Variants in AP5Z1 observed in about 807,000 individuals in gnomAD.
AP5Z1 encodes AP-5 complex subunit zeta-1.
In AP5Z1, 106 loss-of-function variants were observed where a neutral mutation model predicts 83.0. The observed-to-expected ratio is 1.28, with a 90% CI of 1.09 to 1.50. AP5Z1 has a LOEUF of 1.50. Among genes scored for constraint, AP5Z1 ranks in the 40% most tolerant of loss-of-function variants. AP5Z1 has a pLI of 0.00. For synonymous variants in AP5Z1, 751 were observed against 514.1 expected (o/e 1.46, Z -6.23); for missense variants, 1,565 against 1,094.2 (o/e 1.43, Z -6.07).
chr7:4,787,722 T>C lies in AP5Z1; in HGVS notation c.1400T>C (p.Leu467Pro), dbSNP rs1781595110. The part of the protein sequence containing the change: ...LVDAGTALEM[L>P]HALLDLPCLT... ...GACGCTGGCACAGCCCTGGAGATGC[T>C]GCACGCGCTGCTGGACCTGCCCTGC... is the stretch of plus-strand genomic sequence containing the variant. Residue 467 changes from leucine (L) to proline (P), a missense_variant, in exon 11 of 17, where the codon CTG becomes CCG. Physicochemically the swap from Leu to Pro is moderately conservative, Grantham distance 98. Coordinates refer to ENST00000649063, the MANE Select transcript of AP5Z1 (RefSeq NM_014855.3). The C allele has an allele frequency of 3.9e-6, 6 of 1,548,994 alleles. No homozygotes were observed. The highest frequency in any genetic ancestry group is 2.4e-5 in the East Asian group (1 of 41,176).
chr7:4,784,839 G>A (rs1309537501), intron 6 of AP5Z1, 69 bp from the exon 7 acceptor site: 4 of 1,534,306 alleles, frequency 2.6e-6, no homozygotes, highest in Admixed American at 1.9e-5. Flanking sequence ...GCCCTTCCAA[G>A]CAGGGCAGCA....
chr7:4,786,151 C>T (rs1781536954), intron 9 of AP5Z1, 99 bp from the exon 10 acceptor site: 2 of 1,302,258 alleles, frequency 1.5e-6, no homozygotes, highest in Non-Finnish European at 2.1e-6. Context: ...CCCTTGGTGT[C>T]CTGGAGAGCA....
In AP5Z1 at chr7:4,783,807, G is replaced by A. The variant is rs369252134; in HGVS notation, c.621+9G>A. 9.1e-6 allele frequency: 14 copies of A among 1,545,574 alleles called. No homozygotes were observed. The highest frequency in any genetic ancestry group is 1.1e-5 in the Non-Finnish European group (13 of 1,146,588). ...CGCCCAGGGCCCGGCAGGTGAGGCT[G>A]GGACTGTTCTGGAACCATGGGGAAC... On this transcript the variant is annotated intron_variant, in intron 5 of 16. Transcript: ENST00000649063.
Position 4,785,617 on chromosome 7 carries a change from G to A in AP5Z1, c.1065G>A (p.Gly355=). 1 of 1,579,736 alleles carries A rather than the reference G, an allele frequency of 6.3e-7. No individual in the cohort carries two copies. The highest frequency in any genetic ancestry group is 1.1e-5 in the South Asian group (1 of 87,374). Reference sequence around the variant, plus strand: ...TCTCCTGCCTGAAGGCCCTGCACGGGCGGGTGCGCGGGGACCCGGCCTCTG... The same window carrying A: ...TCTCCTGCCTGAAGGCCCTGCACGGACGGGTGCGCGGGGACCCGGCCTCTG... ...RSLSCLKALH[G]RVRGDPASVR... Residue 355 remains glycine, a synonymous_variant, in exon 9 of 17, where the codon GGG becomes GGA. Transcript: ENST00000649063.
rs772240355 is a variant in AP5Z1, at chr7:4,785,453, GT to G, written c.969+2del. 4 of 1,613,460 alleles carry G rather than the reference GT, an allele frequency of 2.5e-6. No homozygotes were observed. The African/African-American group carries it at 4.0e-5, about 16-fold the overall frequency. On this transcript the variant is annotated splice_donor_variant, in intron 8 of 16. Transcript: ENST00000649063. LOFTEE classifies it high-confidence loss of function. ...GGGGGACTCCGACCTGCAGAAAGCT[GT>G]AAGTGGCTGGGGACCAGGGGATGGG...
chr7:4,783,185 C>G, intron 3 of AP5Z1, 131 bp from the exon 4 acceptor site: 6 of 1,378,410 alleles, frequency 4.4e-6, no homozygotes, highest in Non-Finnish European at 4.8e-6. Context: ...GCGGGACATC[C>G]TCCCTGCCAC....
intron 14 of AP5Z1, 59 bp from the exon 15 acceptor site, chr7:4,790,400 G>A: frequency 6.2e-7 from 1 of 1,611,044 alleles, no homozygotes; most frequent in Non-Finnish European, 8.5e-7. Flanking sequence ...CCCTTGGCCT[G>A]GATGGGGATG....
chr7:4,786,913 G>A (rs1039909028), intron 10 of AP5Z1, among the ~76,000 whole-genome samples: 1 of 152,098 alleles, frequency 6.6e-6, no homozygotes, highest in Non-Finnish European at 1.5e-5. Context: ...TGAGATTACA[G>A]GCACCCACCA....
chr7:4,785,760 C>CTTTTTT (rs74274130), intron 9 of AP5Z1, 76 bp downstream of exon 9: 10 of 1,140,830 alleles, frequency 8.8e-6, no homozygotes, highest in Non-Finnish European at 9.1e-6. Context: ...TTCTTCTTCC[C>CTTTTTT]TTTTTTTTTT....
chr7:4,787,878 C>T (rs1419259943), intron 11 of AP5Z1, 102 bp downstream of exon 11: 7 of 1,370,334 alleles, frequency 5.1e-6, no homozygotes, highest in African/African-American at 1.5e-5. Flanking sequence ...GGGGACCCTC[C>T]TTCTTCCCCC....
At chr7:4,783,604 T>G (rs1390735051) in intron 4 of AP5Z1, 85 bp from the exon 5 acceptor site, 30 of 1,516,522 alleles carry the variant, frequency 2.0e-5, no homozygotes, top group Non-Finnish European at 2.7e-5. Flanking sequence ...GATTCTGTTT[T>G]CTGAGAAAAG....
chr7:4,789,875 T>G lies in AP5Z1; in HGVS notation c.1751T>G (p.Leu584Arg), dbSNP rs1355732704. Residue 584 changes from leucine to arginine, a missense_variant, in exon 14 of 17, where the codon CTG becomes CGG. Physicochemically the swap from Leu to Arg is moderately radical, Grantham distance 102. Coordinates refer to ENST00000649063, the MANE Select transcript of AP5Z1 (RefSeq NM_014855.3). ...ATCAACCAGCTGGCGCTGCTGCTCC[T>G]GGGCAGGAGCGACTCGCTCTACCCG... ...SLINQLALLLLGRSDSLYPAP... is the reference protein window; with the variant it reads ...SLINQLALLLRGRSDSLYPAP... 1 of 1,553,052 alleles carries G rather than the reference T, an allele frequency of 6.4e-7. No homozygotes were observed. The highest frequency in any genetic ancestry group is 8.7e-7 in the Non-Finnish European group (1 of 1,148,548).
rs755415916 is a variant in AP5Z1, at chr7:4,788,248, C to G, written c.1549C>G (p.Leu517Val). The G allele has an allele frequency of 6.3e-7, 1 of 1,587,288 alleles. No homozygotes were observed. Among genetic ancestry groups the G allele is most frequent in the South Asian group, 1.1e-5 (1 of 87,060 alleles). Residue 517 changes from leucine to valine, a missense_variant, in exon 12 of 17, where the codon CTT (leucine) becomes GTT (valine). By Grantham distance (32) the Leu-to-Val change is conservative (BLOSUM62 1). Coordinates refer to ENST00000649063, the MANE Select transcript of AP5Z1 (RefSeq NM_014855.3). ...EAFRDPQFQGLFQYLLRPKAS... is the reference protein window; with the variant it reads ...EAFRDPQFQGVFQYLLRPKAS... ...CTTCCGGGACCCGCAGTTCCAGGGTCTTTTCCAATACCTGCTGCGCCCCAA... is the reference window on the plus strand; with the variant it reads ...CTTCCGGGACCCGCAGTTCCAGGGTGTTTTCCAATACCTGCTGCGCCCCAA...
chr7:4,783,401 G>A lies in AP5Z1; in HGVS notation c.452G>A (p.Arg151Lys), dbSNP rs760612514. The change falls in exon 4 of 17, where the codon AGA becomes AAA. Residue 151 changes from arginine to lysine, a missense_variant. Arg to Lys is a conservative substitution (Grantham distance 26). Transcript: ENST00000649063. ...CGGCAGCCTGAGGGACCCAGCCTCA[G>A]ACACCTCCTCCCCGTCATGGCCAAG... Reference protein sequence around the residue: ...ESRQPEGPSLRHLLPVMAKVV... With the variant: ...ESRQPEGPSLKHLLPVMAKVV... 6.2e-7 allele frequency: 1 copy of A among 1,613,236 alleles called. No homozygotes were observed. The highest frequency in any genetic ancestry group is 1.7e-5 in the Admixed American group (1 of 60,020).
At position 4,789,908 on chromosome 7, in the gene AP5Z1, G is replaced by C; in HGVS notation, c.1784G>C (p.Gly595Ala). Residue 595 changes from glycine to alanine, a missense_variant, in exon 14 of 17, where the codon GGG (glycine) becomes GCG (alanine). Gly to Ala is a moderately conservative substitution (Grantham distance 60). Transcript: ENST00000649063. The part of the protein sequence containing the change: ...GRSDSLYPAP[G>A]YAAGVHSVLS... ...AGCGACTCGCTCTACCCGGCCCCAGGGTACGCTGCCGGTGTGCACAGGTAG... is the reference window on the plus strand; with the variant it reads ...AGCGACTCGCTCTACCCGGCCCCAGCGTACGCTGCCGGTGTGCACAGGTAG... 1.9e-6 allele frequency: 3 copies of C among 1,549,272 alleles called. No individual in the cohort carries two copies. The highest frequency in any genetic ancestry group is 1.7e-6 in the Non-Finnish European group (2 of 1,146,560).
rs1781205296 is a variant in AP5Z1 at position 4,775,692 on chromosome 7, T to G, written c.-24T>G. On this transcript the variant is annotated 5_prime_UTR_variant, in exon 1 of 17. Transcript: ENST00000649063. ...CAGCTCCTGGAGTTTCCGAGGTTCG[T>G]GCGCGTCTGGTGGCGGCGGCGTGAT... The G allele has an allele frequency of 6.2e-7, 1 of 1,606,576 alleles. No homozygotes were observed. Among genetic ancestry groups the G allele is most frequent in the Admixed American group, 1.7e-5 (1 of 59,952 alleles).
Position 4,790,471 on chromosome 7 carries a change from T to G in AP5Z1, c.1818T>G (p.Ser606=), listed in dbSNP as rs1229679215. ...YAAGVHSVLS[S]QFLALCTLKP... ...GCTTTCTGGGCAGTGTGCTGAGTTC[T>G]CAGTTCCTGGCCCTGTGTACGCTGA... Residue 606 remains serine, a synonymous_variant, in exon 15 of 17, where the codon TCT becomes TCG. Transcript: ENST00000649063. 1 of 1,613,186 alleles carries G rather than the reference T, an allele frequency of 6.2e-7. No homozygotes were observed. The highest frequency in any genetic ancestry group is 1.7e-5 in the Admixed American group (1 of 60,020).
rs573844156 is a variant in AP5Z1, at chr7:4,779,287, G to A, written c.42-1888G>A. ...TATAACATAACATAACGTATATAAC[G>A]CATATAACAACATATATAACGTATA... On this transcript the variant is annotated intron_variant, in intron 1 of 16. Coordinates refer to ENST00000649063, the MANE Select transcript of AP5Z1 (RefSeq NM_014855.3). Among the ~76,000 whole-genome samples the A allele has an allele frequency of 4.4e-3, 617 of 141,316 alleles. 5 individuals carry two copies. Among genetic ancestry groups the A allele is most frequent in the African/African-American group, 0.016 (572 of 36,674 alleles). The allele number at this position is 141,316 out of a possible 152,430, so 92.7% of individuals were successfully genotyped here. A position where few individuals can be genotyped will look rare whatever the true frequency, so the allele number is the denominator to read the frequency against.
In AP5Z1 at chr7:4,792,232, C is replaced by G. The variant is rs945134534; in HGVS notation, c.*847C>G. The G allele has an allele frequency of 6.6e-6, 1 of 152,254 alleles. No individual in the cohort carries two copies. The highest frequency in any genetic ancestry group is 1.5e-5 in the Non-Finnish European group (1 of 68,082). The allele number at this position is 152,254 out of a possible 1,614,324, so 9.4% of individuals were successfully genotyped here. On this transcript the variant is annotated 3_prime_UTR_variant, in exon 17 of 17. Coordinates refer to ENST00000649063, the MANE Select transcript of AP5Z1 (RefSeq NM_014855.3). The stretch of plus-strand genomic sequence containing the variant: ...GCTGTGTCGCACGTTCCGCCCGGTG[C>G]CTGGGACGGGCTCAGCCGCCAGGGG...
Sources: allele counts gnomAD v4.1 joint callset (sites outside exome capture counted in the v4.1 genomes callset), GRCh38; gene constraint gnomAD v4.1.1; transcripts MANE v1.5; gene names NCBI Gene and HGNC (gene_info 2026-07-23, HGNC 2026-07-21).